Variants in IQCM observed in about 807,000 individuals in gnomAD.
IQCM encodes IQ domain-containing protein M.
Under a neutral mutation model 57.6 loss-of-function variants are expected in IQCM, and 45 were observed. The observed-to-expected ratio is 0.78, with a 90% confidence interval of 0.62 to 1.00. The LOEUF is 1.00. IQCM is among the 50% of genes least tolerant of loss of function. The pLI is 0.00. For synonymous variants in IQCM, 148 were observed against 158.9 expected (o/e 0.93, Z 0.51); for missense variants, 468 against 511.6 (o/e 0.91, Z 0.82).
At chr4:149,661,050 T>C (rs1256416268) in intron 7 of IQCM, among the ~76,000 whole-genome samples, 1 of 152,028 alleles carries the variant, frequency 6.6e-6, no homozygotes, top group Non-Finnish European at 1.5e-5. Context: ...TATCTTTGTC[T>C]TGTTTCCAAT....
intron 12 of IQCM, among the ~76,000 whole-genome samples, chr4:149,475,208 C>T (rs1370586574): frequency 1.3e-5 from 2 of 152,112 alleles, no homozygotes; most frequent in Non-Finnish European, 2.9e-5. Context: ...GGTTAGTAAT[C>T]ATATCTGAAT....
At chr4:149,531,768 T>C (rs878890206) in intron 12 of IQCM, among the ~76,000 whole-genome samples, 3 of 152,142 alleles carry the variant, frequency 2.0e-5, no homozygotes, top group Admixed American at 2.0e-4. Context: ...GGAGACTGCA[T>C]ACTAGTTACC....
At position 149,742,647 on chromosome 4, in the gene IQCM, A is replaced by G. The variant is rs1315549257; in HGVS notation, c.37+8T>C. 1.6e-6 allele frequency: 2 copies of G among 1,228,616 alleles called. No homozygotes were observed. The highest frequency in any genetic ancestry group is 1.0e-6 in the Non-Finnish European group (1 of 984,878). The allele number at this position is 1,228,616 out of a possible 1,614,324, so 76.1% of individuals were successfully genotyped here. The stretch of plus-strand genomic sequence containing the variant: ...CTTGTACTATGTTAGGTAAGCACAG[A>G]TACTCACATTTTGCTTTTTCAGGCA... On this transcript the variant is annotated splice_region_variant and intron_variant, in intron 3 of 13. Transcript: ENST00000636793.
At chr4:149,793,464 C>A (rs891157138) in intron 2 of IQCM, among the ~76,000 whole-genome samples, 1 of 152,022 alleles carries the variant, frequency 6.6e-6, no homozygotes, top group African/African-American at 2.4e-5. Flanking sequence ...TTCCTGCTTC[C>A]TAAGAATACA....
At chr4:149,691,165 T>C (rs1762916262) in intron 5 of IQCM, among the ~76,000 whole-genome samples, 1 of 152,174 alleles carries the variant, frequency 6.6e-6, no homozygotes, top group African/African-American at 2.4e-5. Context: ...TGTTTTATTC[T>C]TAGAGACATC....
intron 12 of IQCM, among the ~76,000 whole-genome samples, chr4:149,434,206 C>T (rs1735138598): frequency 6.6e-6 from 1 of 152,050 alleles, no homozygotes; most frequent in Admixed American, 6.6e-5. Flanking sequence ...GCCTAAATTT[C>T]ACAGTCTATA....
chr4:149,756,414 A>T (rs1271831699), intron 2 of IQCM, among the ~76,000 whole-genome samples: 1 of 152,204 alleles, frequency 6.6e-6, no homozygotes, highest in Non-Finnish European at 1.5e-5. Context: ...TTCTAAATCA[A>T]TCTAAACTGT....
chr4:149,812,503 GACACACACAC>G lies in IQCM; in HGVS notation c.-49+2798_-49+2807del, dbSNP rs71596217. Among the ~76,000 whole-genome samples, 948 of 132,096 alleles carry G rather than the reference GACACACACAC, an allele frequency of 7.2e-3. 4 individuals carry two copies. The highest frequency in any genetic ancestry group is 0.012 in the Non-Finnish European group (728 of 59,766). 86.7% of individuals were successfully genotyped at this position (132,096 alleles called of 152,430 possible). A position where few individuals can be genotyped will look rare whatever the true frequency, so the allele number is the denominator to read the frequency against. ...TCTCACACACACACACACACACACA[GACACACACAC>G]ACACACACACACACACTATCCTTTG... On this transcript the variant is annotated intron_variant, in intron 2 of 13. Coordinates refer to ENST00000636793, the MANE Select transcript of IQCM (RefSeq NM_001363507.2).
At chr4:149,690,002 G>A (rs895812765) in intron 5 of IQCM, among the ~76,000 whole-genome samples, 2 of 152,092 alleles carry the variant, frequency 1.3e-5, no homozygotes, top group Admixed American at 1.3e-4. Context: ...AAACAGTGTG[G>A]GGATTCCTTA....
intron 7 of IQCM, among the ~76,000 whole-genome samples, chr4:149,650,614 T>C (rs1759086485): frequency 6.6e-6 from 1 of 152,012 alleles, no homozygotes; most frequent in Admixed American, 6.6e-5. Context: ...GGTCTCGAAC[T>C]CCTGACCTCG....
At position 149,532,893 on chromosome 4, in the gene IQCM, G is replaced by A. The variant is rs1341253265; in HGVS notation, c.1228+15562C>T. Reference sequence around the variant, plus strand: ...ATATAATCTCAAGTAGTAATAAGTGGAATGAAAGAAAATAAATATTAAGGT... The same window carrying A: ...ATATAATCTCAAGTAGTAATAAGTGAAATGAAAGAAAATAAATATTAAGGT... On this transcript the variant is annotated intron_variant, in intron 12 of 13. Coordinates refer to ENST00000636793, the MANE Select transcript of IQCM (RefSeq NM_001363507.2). Among the ~76,000 whole-genome samples, 6 of 152,088 alleles carry A rather than the reference G, an allele frequency of 3.9e-5. No individual in the cohort carries two copies. In the East Asian group the frequency reaches 1.2e-3, roughly 29 times the overall value.
At chr4:149,360,100 T>C (rs1378666225) in intron 13 of IQCM, among the ~76,000 whole-genome samples, 1 of 152,174 alleles carries the variant, frequency 6.6e-6, no homozygotes, top group East Asian at 1.9e-4. Context: ...TATCAGGATC[T>C]GCACATCAGA....
chr4:149,541,185 G>A (rs1005056248), intron 12 of IQCM, among the ~76,000 whole-genome samples: 1 of 152,226 alleles, frequency 6.6e-6, no homozygotes, highest in Admixed American at 6.5e-5. Flanking sequence ...GGTTTGTGGT[G>A]GACAAAGCTG....
At chr4:149,602,049 A>T (rs1213613520) in intron 8 of IQCM, among the ~76,000 whole-genome samples, 1 of 151,516 alleles carries the variant, frequency 6.6e-6, no homozygotes, top group Admixed American at 6.6e-5. Context: ...AAAAAAAAAA[A>T]AAAAAAGAAA....
chr4:149,570,365 C>T (rs1910460), intron 9 of IQCM, among the ~76,000 whole-genome samples: 1 of 151,846 alleles, frequency 6.6e-6, no homozygotes, highest in Non-Finnish European at 1.5e-5. Flanking sequence ...TTAATCTTTA[C>T]GTGAAAATGA....
At chr4:149,373,258 G>A (rs1730484567) in intron 13 of IQCM, among the ~76,000 whole-genome samples, 1 of 151,960 alleles carries the variant, frequency 6.6e-6, no homozygotes, top group South Asian at 2.1e-4. Context: ...AGGAAACTGA[G>A]GCATAGAAAT....
chr4:149,435,180 A>G (rs775738432), intron 12 of IQCM, among the ~76,000 whole-genome samples: 20 of 152,158 alleles, frequency 1.3e-4, no homozygotes, highest in Admixed American at 4.6e-4. Flanking sequence ...AATAACTACT[A>G]TATTAGACTT....
chr4:149,572,532 T>G (rs1376198537), intron 9 of IQCM, among the ~76,000 whole-genome samples: 1 of 151,946 alleles, frequency 6.6e-6, no homozygotes, highest in East Asian at 1.9e-4. Flanking sequence ...ATATCTCTAT[T>G]AAAAGATATA....
At position 149,665,413 on chromosome 4, in the gene IQCM, C is replaced by T. The variant is rs138661267; in HGVS notation, c.565+16705G>A. Among the ~76,000 whole-genome samples, 1,189 of 152,218 alleles carry T rather than the reference C, an allele frequency of 7.8e-3. 8 individuals carry two copies. Among genetic ancestry groups the T allele is most frequent in the Non-Finnish European group, 0.012 (836 of 67,996 alleles). Reference sequence around the variant, plus strand: ...AAGTCTTCCTTGACTCTGAGCCTGTCCTAGCAGGGAAGACAGTGTATCAGA... The same window carrying T: ...AAGTCTTCCTTGACTCTGAGCCTGTTCTAGCAGGGAAGACAGTGTATCAGA... On this transcript the variant is annotated intron_variant, in intron 7 of 13. Coordinates refer to ENST00000636793, the MANE Select transcript of IQCM (RefSeq NM_001363507.2).
Sources: allele counts gnomAD v4.1 joint callset (sites outside exome capture counted in the v4.1 genomes callset), GRCh38; gene constraint gnomAD v4.1.1; transcripts MANE v1.5; gene names NCBI Gene and HGNC (gene_info 2026-07-23, HGNC 2026-07-21).